The following SMARCAD1 variants were observed in gnomAD, a reference collection of about 807,000 sequenced individuals.
The protein encoded by SMARCAD1 is SWI/SNF-related matrix-associated actin-dependent regulator of chromatin subfamily A containing DEAD/H box 1.
SMARCAD1 carries 25 observed loss-of-function variants against 127.1 expected under a neutral mutation model. The observed-to-expected ratio is 0.20, with a 90% CI of 0.14 to 0.27. The LOEUF is 0.27. Ranked by LOEUF, SMARCAD1 falls within the 10% of genes least tolerant of loss-of-function variation. The pLI is 1.00. For synonymous variants in SMARCAD1, 400 were observed against 396.9 expected, an observed-to-expected ratio of 1.01 and a Z score of -0.09; for missense variants, 807 against 1,206.0, an observed-to-expected ratio of 0.67 and a Z score of 4.90.
chr4:94,253,357 G>A, intron 9 of SMARCAD1: 1 of 1,301,914 alleles, frequency 7.7e-7, no homozygotes, highest in Non-Finnish European at 1.0e-6. Context: ...TGTTACTGCT[G>A]AGACACCATG....
At chr4:94,234,986 A>C (rs1302151340) in intron 4 of SMARCAD1, among the ~76,000 whole-genome samples, 1 of 152,236 alleles carries the variant, frequency 6.6e-6, no homozygotes, top group Admixed American at 6.5e-5. Context: ...TGTCAGTGAT[A>C]GCCCATTTTT....
At chr4:94,263,643 T>G (rs1468424893) in intron 9 of SMARCAD1, among the ~76,000 whole-genome samples, 1 of 152,062 alleles carries the variant, frequency 6.6e-6, no homozygotes, top group African/African-American at 2.4e-5. Context: ...TTGCTTGAGC[T>G]TTTTGCTGAA....
intron 9 of SMARCAD1, chr4:94,253,275 G>C (rs1490554252): frequency 6.9e-7 from 1 of 1,439,570 alleles, no homozygotes; most frequent in Admixed American, 2.1e-5. Flanking sequence ...TAGAAACTTC[G>C]TTCATTTCAC....
At chr4:94,259,279 T>A (rs1479776795) in intron 9 of SMARCAD1, among the ~76,000 whole-genome samples, 1 of 152,208 alleles carries the variant, frequency 6.6e-6, no homozygotes, top group Non-Finnish European at 1.5e-5. Flanking sequence ...TTCCTCAGAT[T>A]TTTATTTACA....
chr4:94,216,472 T>G (rs1341866053), intron 2 of SMARCAD1, among the ~76,000 whole-genome samples: 1 of 152,204 alleles, frequency 6.6e-6, no homozygotes, highest in Non-Finnish European at 1.5e-5. Context: ...AAAATACACA[T>G]AAGAAAATTT....
chr4:94,233,984 A>G lies in SMARCAD1; in HGVS notation c.399A>G (p.Gln133=). ...VSEPSEDEES[Q]GLPTMARRND... ...AGCCATCTGAAGATGAAGAGTCCCA[A>G]GGCCTTCCTACCATGGCACGTAGAA... is the stretch of plus-strand genomic sequence containing the variant. Residue 133 remains glutamine, a synonymous_variant, in exon 4 of 24, where the codon CAA becomes CAG. Coordinates refer to ENST00000354268, the MANE Select transcript of SMARCAD1 (RefSeq NM_020159.5). 1 of 1,613,804 alleles carries G rather than the reference A, an allele frequency of 6.2e-7. No homozygotes were observed. Among genetic ancestry groups the G allele is most frequent in the Non-Finnish European group, 8.5e-7 (1 of 1,179,804 alleles).
intron 16 of SMARCAD1, 54 bp downstream of exon 16, chr4:94,277,213 C>A: frequency 6.3e-7 from 1 of 1,593,568 alleles, no homozygotes. Context: ...TTTATCTGGG[C>A]CATTCTTCTG....
intron 4 of SMARCAD1, among the ~76,000 whole-genome samples, chr4:94,236,090 G>T (rs555907484): frequency 7.9e-4 from 120 of 152,166 alleles, no homozygotes; most frequent in African/African-American, 2.7e-3. Context: ...ATAGTTCTAA[G>T]CTTGCTAAGA....
intron 6 of SMARCAD1, among the ~76,000 whole-genome samples, chr4:94,244,264 G>A (rs1201921519): frequency 6.6e-6 from 1 of 152,196 alleles, no homozygotes; most frequent in Non-Finnish European, 1.5e-5. Flanking sequence ...AGTGCTAGTA[G>A]TGGTTGCTTT....
chr4:94,289,481 G>A lies in SMARCAD1; in HGVS notation c.3028G>A (p.Gly1010Arg), dbSNP rs1755416438. Residue 1010 changes from glycine to arginine, a missense_variant, in exon 24 of 24, where the codon GGG becomes AGG. Gly to Arg is a moderately radical substitution (Grantham distance 125). Transcript: ENST00000354268. ...DMTTVDEGDE[G>R]SMPADIATLL... Reference sequence around the variant, plus strand: ...TACTTTCTGACCTACAGGTGATGAAGGGAGTATGCCAGCAGATATAGCCAC... The same window carrying A: ...TACTTTCTGACCTACAGGTGATGAAAGGAGTATGCCAGCAGATATAGCCAC... The A allele has an allele frequency of 6.2e-7, 1 of 1,612,770 alleles. No homozygotes were observed. The highest frequency in any genetic ancestry group is 8.5e-7 in the Non-Finnish European group (1 of 1,179,066).
chr4:94,219,010 C>A (rs552015679), intron 2 of SMARCAD1, among the ~76,000 whole-genome samples: 13 of 152,218 alleles, frequency 8.5e-5, no homozygotes, highest in African/African-American at 3.1e-4. Context: ...CAGGGTTTCA[C>A]CATGTTGGCC....
chr4:94,238,932 G>A (rs1310577234), intron 5 of SMARCAD1, among the ~76,000 whole-genome samples: 2 of 142,264 alleles, frequency 1.4e-5, no homozygotes, highest in South Asian at 4.5e-4. Context: ...TGAGGAAACA[G>A]TGGATACAAC....
At chr4:94,213,615 G>T (rs778433653) in intron 2 of SMARCAD1, among the ~76,000 whole-genome samples, 17 of 150,620 alleles carry the variant, frequency 1.1e-4, no homozygotes, top group Admixed American at 8.6e-4. Flanking sequence ...GTAGGGAAAT[G>T]ACTGTAGAGA....
chr4:94,246,957 A>G (rs1019963360), intron 6 of SMARCAD1, among the ~76,000 whole-genome samples: 1 of 152,226 alleles, frequency 6.6e-6, no homozygotes, highest in African/African-American at 2.4e-5. Context: ...CAAAAATACC[A>G]CATCCTGTAA....
intron 2 of SMARCAD1, among the ~76,000 whole-genome samples, chr4:94,225,572 A>C (rs1744862817): frequency 6.6e-6 from 1 of 152,198 alleles, no homozygotes; most frequent in Admixed American, 6.5e-5. Flanking sequence ...ATTGGGACTT[A>C]ATGATGGGGA....
intron 2 of SMARCAD1, among the ~76,000 whole-genome samples, chr4:94,220,924 C>T (rs1015486932): frequency 2.6e-5 from 4 of 152,220 alleles, no homozygotes; most frequent in African/African-American, 4.8e-5. Context: ...TACCGTACAA[C>T]AGTGATCTCA....
intron 10 of SMARCAD1, 162 bp from the exon 11 acceptor site, chr4:94,270,566 T>G: frequency 1.7e-6 from 1 of 591,942 alleles, no homozygotes; most frequent in Non-Finnish European, 3.1e-6. Context: ...GAAAAATCAT[T>G]TATGTCTTGG....
chr4:94,244,478 C>T (rs1748096903), intron 6 of SMARCAD1, among the ~76,000 whole-genome samples: 1 of 152,100 alleles, frequency 6.6e-6, no homozygotes, highest in Admixed American at 6.5e-5. Context: ...ACGCATGCCT[C>T]GAATAACCCA....
At position 94,240,816 on chromosome 4, in the gene SMARCAD1, C is replaced by A. The variant is rs1747466240; in HGVS notation, c.605-90C>A. On this transcript the variant is annotated intron_variant, in intron 5 of 23. Coordinates refer to ENST00000354268, the MANE Select transcript of SMARCAD1 (RefSeq NM_020159.5). ...GATATCAAGAGAACTGTCTAGTATT[C>A]ATTATAATACATTTTTGCCTTTGTT... 3 of 853,094 alleles carry A rather than the reference C, an allele frequency of 3.5e-6. No homozygotes were observed. The South Asian group carries it at 4.3e-5, about 12-fold the overall frequency. 52.8% of individuals were successfully genotyped at this position (853,094 alleles called of 1,614,324 possible). A position where few individuals can be genotyped will look rare whatever the true frequency, so the allele number is the denominator to read the frequency against.
Sources: gnomAD v4.1 joint callset for allele counts (sites outside exome capture counted in the v4.1 genomes callset) on GRCh38, gnomAD v4.1.1 for gene constraint, MANE v1.5 for transcripts, NCBI Gene and HGNC (gene_info 2026-07-23, HGNC 2026-07-21) for gene names.